Variants in FGF23 observed in about 807,000 individuals in gnomAD.
FGF23 encodes the protein phosphatonin.
In FGF23, 8 loss-of-function variants were observed where a neutral mutation model predicts 9.0. The ratio of observed to expected loss-of-function variants is 0.89; its 90% CI spans 0.52 to 1.60. The LOEUF (loss-of-function observed/expected upper bound fraction) is 1.60. Ranked by LOEUF, FGF23 falls within the 40% of genes most tolerant of loss-of-function variation. The probability of loss-of-function intolerance (pLI) is 0.00; values close to 1 mark genes in which losing one functional copy is unlikely to be tolerated. For synonymous variants in FGF23, 118 were observed against 146.2 expected (o/e 0.81, Z 1.39); for missense variants, 311 against 344.3 (o/e 0.90, Z 0.77).
At chr12:4,377,651 C>T (rs1173139001) in intron 1 of FGF23, among the ~76,000 whole-genome samples, 2 of 148,534 alleles carry the variant, frequency 1.3e-5, no homozygotes, top group Non-Finnish European at 3.0e-5. Context: ...AGGATGGTCT[C>T]AATCTCCTGA....
At chr12:4,373,471 A>T (rs1427489305) in intron 1 of FGF23, among the ~76,000 whole-genome samples, 1 of 152,166 alleles carries the variant, frequency 6.6e-6, no homozygotes, top group Non-Finnish European at 1.5e-5. Context: ...TTTATGTTGA[A>T]TCAATATAAG....
chr12:4,372,329 TAAA>T (rs112659036), intron 2 of FGF23, among the ~76,000 whole-genome samples: 6 of 144,176 alleles, frequency 4.2e-5, no homozygotes, highest in African/African-American at 1.5e-4. Context: ...AGTATAATAA[TAAA>T]AAAAAAAAGT....
At chr12:4,372,176 T>G (rs1591672935) in intron 2 of FGF23, among the ~76,000 whole-genome samples, 2 of 83,686 alleles carry the variant, frequency 2.4e-5, no homozygotes, top group Admixed American at 1.7e-4. Flanking sequence ...GGGACTGTTG[T>G]GGGGTGGGGG....
Position 4,369,034 on chromosome 12 carries a change from A to G in FGF23, c.*1309T>C, listed in dbSNP as rs1246858001. The G allele has an allele frequency of 2.2e-5, 5 of 227,856 alleles. No individual in the cohort carries two copies. Among genetic ancestry groups the G allele is most frequent in the Non-Finnish European group, 4.4e-5 (5 of 114,770 alleles). The allele number at this position is 227,856 out of a possible 1,614,324, so 14.1% of individuals were successfully genotyped here. A position where few individuals can be genotyped will look rare whatever the true frequency, so the allele number is the denominator to read the frequency against. ...TGGTCATTTAAAGAGAGGGAGGAAA[A>G]TGGAGCCCCCTTACAGGAAGAACCG... On this transcript the variant is annotated 3_prime_UTR_variant, in exon 3 of 3. Coordinates refer to ENST00000237837, the MANE Select transcript of FGF23 (RefSeq NM_020638.3).
chr12:4,372,745 C>T, intron 1 of FGF23, 48 bp from the exon 2 acceptor site: 2 of 1,173,820 alleles, frequency 1.7e-6, no homozygotes, highest in South Asian at 1.2e-5. Flanking sequence ...ATCCAATTCC[C>T]ACCTTCAAGC....
intron 1 of FGF23, among the ~76,000 whole-genome samples, chr12:4,375,487 A>G (rs1256675409): frequency 2.0e-5 from 3 of 152,218 alleles, no homozygotes; most frequent in Non-Finnish European, 2.9e-5. Context: ...TGTGCTTTCA[A>G]AAGGCATCTT....
rs548025528 is a variant in FGF23, at chr12:4,369,061, A to G, written c.*1282T>C. On this transcript the variant is annotated 3_prime_UTR_variant, in exon 3 of 3. Coordinates refer to ENST00000237837, the MANE Select transcript of FGF23 (RefSeq NM_020638.3). ...GGAGCCCCCTTACAGGAAGAACCGC[A>G]GTAATGGGGTAAGGCTTCATTTAAT... is the stretch of plus-strand genomic sequence containing the variant. The G allele has an allele frequency of 2.6e-5, 6 of 228,288 alleles. No individual in the cohort carries two copies. Among genetic ancestry groups the G allele is most frequent in the Admixed American group, 2.3e-4 (4 of 17,624 alleles). The allele number at this position is 228,288 out of a possible 1,614,324, so 14.1% of individuals were successfully genotyped here. A position where few individuals can be genotyped will look rare whatever the true frequency, so the allele number is the denominator to read the frequency against.
At chr12:4,373,419 C>T (rs748705516) in intron 1 of FGF23, among the ~76,000 whole-genome samples, 8 of 152,162 alleles carry the variant, frequency 5.3e-5, no homozygotes, top group Admixed American at 1.3e-4. Context: ...CTATCCAGTG[C>T]GTTCCTTAGA....
intron 1 of FGF23, among the ~76,000 whole-genome samples, chr12:4,378,172 T>G (rs1865138899): frequency 6.6e-6 from 1 of 152,200 alleles, no homozygotes; most frequent in Admixed American, 6.5e-5. Context: ...TGCAACTTAA[T>G]TTTGCATGTT....
chr12:4,375,018 G>T (rs559739654), intron 1 of FGF23, among the ~76,000 whole-genome samples: 1 of 152,278 alleles, frequency 6.6e-6, no homozygotes, highest in African/African-American at 2.4e-5. Flanking sequence ...AAGGGCTCGG[G>T]GAAGGGGCAC....
intron 1 of FGF23, among the ~76,000 whole-genome samples, chr12:4,378,149 A>G (rs931261277): frequency 3.3e-5 from 5 of 152,178 alleles, no homozygotes; most frequent in African/African-American, 7.2e-5. Flanking sequence ...TCAATTTCGC[A>G]TGTTATATAT....
At chr12:4,372,557 G>A in intron 2 of FGF23, 37 bp downstream of exon 2, 1 of 1,257,074 alleles carries the variant, frequency 8.0e-7, no homozygotes, top group South Asian at 1.2e-5. Flanking sequence ...TAGGTTAATT[G>A]TTTGCAAATG....
chr12:4,377,418 T>C (rs907170615), intron 1 of FGF23, among the ~76,000 whole-genome samples: 2 of 139,914 alleles, frequency 1.4e-5, no homozygotes, highest in Non-Finnish European at 3.1e-5. Context: ...AAATCACATA[T>C]AGTCTTTTTT....
intron 2 of FGF23, 37 bp downstream of exon 2, chr12:4,372,557 G>T: frequency 1.6e-6 from 2 of 1,257,068 alleles, no homozygotes; most frequent in Non-Finnish European, 2.3e-6. Context: ...TAGGTTAATT[G>T]TTTGCAAATG....
chr12:4,370,705 A>G lies in FGF23; in HGVS notation c.394T>C (p.Tyr132His), dbSNP rs1465106597. 6.2e-7 allele frequency: 1 copy of G among 1,613,988 alleles called. No homozygotes were observed. The highest frequency in any genetic ancestry group is 8.5e-7 in the Non-Finnish European group (1 of 1,179,998). The change falls in exon 3 of 3, where the codon TAT (tyrosine) becomes CAT (histidine). Residue 132 changes from tyrosine (Y) to histidine (H), a missense_variant. Coordinates refer to ENST00000237837, the MANE Select transcript of FGF23 (RefSeq NM_020638.3). ...NGYDVYHSPQ[Y>H]HFLVSLGRAK... is the part of the protein sequence containing the mutation. ...CGGCCCAGACTGACCAGGAAGTGAT[A>G]CTGAGGAGAGTGGTAGACGTCGTAC...
chr12:4,379,372 T>C lies in FGF23; in HGVS notation c.211A>G (p.Ser71Gly), dbSNP rs104894342. Reference sequence around the variant, plus strand: ...CTTCCCAGCCTGAAGCCCTACTCACTGTAGATGGTCTGATGGGGTGCGCCA... The same window carrying C: ...CTTCCCAGCCTGAAGCCCTACTCACCGTAGATGGTCTGATGGGGTGCGCCA... The part of the protein sequence containing the change: ...VDGAPHQTIY[S>G]ALMIRSEDAG... The change falls in exon 1 of 3, where the codon AGT becomes GGT. Residue 71 changes from serine to glycine, a missense_variant and splice_region_variant. Ser to Gly is a moderately conservative substitution (Grantham distance 56). Around this residue, in one of 3 missense-constraint regions of FGF23, gnomAD observed 102 missense variants for 108.2 expected, o/e 0.94. Coordinates refer to ENST00000237837, the MANE Select transcript of FGF23 (RefSeq NM_020638.3). 63 of 1,610,736 alleles carry C rather than the reference T, an allele frequency of 3.9e-5. No homozygotes were observed. Among genetic ancestry groups the C allele is most frequent in the Non-Finnish European group, 5.3e-5 (62 of 1,179,608 alleles).
At position 4,372,697 on chromosome 12, in the gene FGF23, C is replaced by G; in HGVS notation, c.212G>C (p.Ser71Thr). The G allele has an allele frequency of 6.2e-7, 1 of 1,606,180 alleles. No individual in the cohort carries two copies. The highest frequency in any genetic ancestry group is 8.5e-7 in the Non-Finnish European group (1 of 1,172,944). ...VDGAPHQTIY[S>T]ALMIRSEDAG... ...ATCCTCTGATCTGATCATCAGGGCACCTATGGAGAAAAACAGGCAGGGCAA... is the reference window on the plus strand; with the variant it reads ...ATCCTCTGATCTGATCATCAGGGCAGCTATGGAGAAAAACAGGCAGGGCAA... Residue 71 changes from serine to threonine, a missense_variant and splice_region_variant, in exon 2 of 3, where the codon AGT becomes ACT. Ser to Thr is a moderately conservative substitution (Grantham distance 58, BLOSUM62 1). Around this residue, in one of 3 missense-constraint regions of FGF23, gnomAD observed 102 missense variants for 108.2 expected, o/e 0.94. Coordinates refer to ENST00000237837, the MANE Select transcript of FGF23 (RefSeq NM_020638.3).
At chr12:4,375,571 GC>G (rs1257208020) in intron 1 of FGF23, among the ~76,000 whole-genome samples, 3 of 152,242 alleles carry the variant, frequency 2.0e-5, no homozygotes, top group African/African-American at 2.4e-5. Flanking sequence ...GGAGCAACCA[GC>G]CCCGCCTGTT....
rs778835929 is a variant in FGF23 at position 4,369,316 on chromosome 12, C to G, written c.*1027G>C. 6.5e-5 allele frequency: 15 copies of G among 231,506 alleles called. No homozygotes were observed. The highest frequency in any genetic ancestry group is 1.1e-4 in the Admixed American group (2 of 17,704). The allele number at this position is 231,506 out of a possible 1,614,324, so 14.3% of individuals were successfully genotyped here. Reference sequence around the variant, plus strand: ...CACGATTTTTCAGTCCACAGAAAACCTAACCCAGAGCAGTCCCAGTCTCTC... The same window carrying G: ...CACGATTTTTCAGTCCACAGAAAACGTAACCCAGAGCAGTCCCAGTCTCTC... On this transcript the variant is annotated 3_prime_UTR_variant, in exon 3 of 3. Coordinates refer to ENST00000237837, the MANE Select transcript of FGF23 (RefSeq NM_020638.3).
Sources: gnomAD v4.1 joint callset for allele counts (sites outside exome capture counted in the v4.1 genomes callset) on GRCh38, gnomAD v4.1.1 for gene constraint, gnomAD v4.1.1 regional missense constraint, MANE v1.5 for transcripts, NCBI Gene and HGNC (gene_info 2026-07-23, HGNC 2026-07-21) for gene names.